Variants in EEIG2 observed in about 807,000 individuals in gnomAD.
The protein encoded by EEIG2 is family with sequence similarity 102 member B.
the EEIG2 span, among the ~76,000 whole-genome samples, chr1:108,633,299 A>G: frequency 6.6e-6 from 1 of 150,822 alleles, no homozygotes; most frequent in African/African-American, 2.4e-5. Context: ...TTTGGTTTTC[A>G]TTTTTGAAAG....
chr1:108,561,873 T>G, the EEIG2 span, among the ~76,000 whole-genome samples: 5 of 152,190 alleles, frequency 3.3e-5, no homozygotes, highest in Admixed American at 6.5e-5. Context: ...ACTGTTTTGC[T>G]GCAGGGTGCC....
chr1:108,578,716 G>A, the EEIG2 span, among the ~76,000 whole-genome samples: 1 of 151,592 alleles, frequency 6.6e-6, no homozygotes, highest in Non-Finnish European at 1.5e-5. Context: ...ACAAAGGGAA[G>A]CCCATCAGAC....
the EEIG2 span, among the ~76,000 whole-genome samples, chr1:108,568,874 A>G: frequency 6.6e-6 from 1 of 152,192 alleles, no homozygotes; most frequent in Non-Finnish European, 1.5e-5. Context: ...CATCAGCACC[A>G]TGCCACATCC....
chr1:108,608,166 C>T, the EEIG2 span, among the ~76,000 whole-genome samples: 5 of 152,112 alleles, frequency 3.3e-5, no homozygotes, highest in African/African-American at 7.2e-5. Flanking sequence ...CTATCTTAGC[C>T]TTTTGATTTG....
chr1:108,578,722 C>T, the EEIG2 span, among the ~76,000 whole-genome samples: 1 of 151,402 alleles, frequency 6.6e-6, no homozygotes, highest in South Asian at 2.1e-4. Flanking sequence ...GGAAGCCCAT[C>T]AGACTAACAG....
chr1:108,584,325 A>T, the EEIG2 span, among the ~76,000 whole-genome samples: 2 of 151,730 alleles, frequency 1.3e-5, no homozygotes, highest in African/African-American at 4.9e-5. Context: ...ATGCTTTCTT[A>T]AAAAATATTT....
the EEIG2 span, among the ~76,000 whole-genome samples, chr1:108,601,158 A>T: frequency 6.6e-6 from 1 of 152,194 alleles, no homozygotes; most frequent in South Asian, 2.1e-4. Context: ...TCTGACTCCA[A>T]GTCTGTTTTC....
the EEIG2 span, among the ~76,000 whole-genome samples, chr1:108,590,683 T>A: frequency 4.9e-4 from 74 of 152,356 alleles, no homozygotes; most frequent in Non-Finnish European, 7.5e-4. Flanking sequence ...CTGGATCCTT[T>A]AAGCTCTTAA....
the EEIG2 span, chr1:108,628,599 T>A: frequency 6.3e-7 from 1 of 1,585,084 alleles, no homozygotes; most frequent in East Asian, 2.2e-5. Context: ...CCTTTTAGTT[T>A]AAAGAATAAA....
At chr1:108,636,381 C>A in the EEIG2 span, 1 of 152,048 alleles carries the variant, frequency 6.6e-6, no homozygotes. Context: ...CCAGTAATTC[C>A]CCAATTCTTA....
chr1:108,561,411 T>C, the EEIG2 span, among the ~76,000 whole-genome samples: 3 of 152,204 alleles, frequency 2.0e-5, no homozygotes, highest in African/African-American at 7.2e-5. Context: ...AAATGAACTT[T>C]TGAGTTCCTG....
At chr1:108,577,812 G>A in the EEIG2 span, among the ~76,000 whole-genome samples, 1 of 148,652 alleles carries the variant, frequency 6.7e-6, no homozygotes, top group Non-Finnish European at 1.5e-5. Flanking sequence ...GAACTTTAAA[G>A]TAGTTTTTTC....
At chr1:108,574,644 G>A in the EEIG2 span, among the ~76,000 whole-genome samples, 13 of 152,270 alleles carry the variant, frequency 8.5e-5, no homozygotes, top group Admixed American at 6.5e-4. Flanking sequence ...CCAGCTACTC[G>A]GAAGGCTGAG....
chr1:108,596,162 A>C, the EEIG2 span, among the ~76,000 whole-genome samples: 4 of 152,024 alleles, frequency 2.6e-5, no homozygotes, highest in African/African-American at 9.6e-5. Context: ...GACAATAAAG[A>C]AAATTCTTAG....
At chr1:108,566,730 A>G in the EEIG2 span, among the ~76,000 whole-genome samples, 2 of 152,308 alleles carry the variant, frequency 1.3e-5, 1 homozygote, top group South Asian at 4.1e-4. Context: ...CATTTGTGAC[A>G]ACATGGATGA....
chr1:108,634,747 G>A, the EEIG2 span, among the ~76,000 whole-genome samples: 1 of 152,154 alleles, frequency 6.6e-6, no homozygotes, highest in Admixed American at 6.5e-5. Flanking sequence ...CTCAGTGCAA[G>A]TCCTGATGCA....
chr1:108,598,098 G>A, the EEIG2 span, among the ~76,000 whole-genome samples: 3 of 151,902 alleles, frequency 2.0e-5, no homozygotes, highest in East Asian at 5.8e-4. Context: ...TTGGGAGATC[G>A]AGGTGGCCAG....
the EEIG2 span, chr1:108,560,704 T>C: frequency 9.5e-7 from 1 of 1,049,472 alleles, no homozygotes; most frequent in Non-Finnish European, 1.3e-6. Context: ...ATCTGCAAAG[T>C]GCTTTGCAAA....
At chr1:108,615,089 T>C in the EEIG2 span, among the ~76,000 whole-genome samples, 1 of 152,194 alleles carries the variant, frequency 6.6e-6, no homozygotes, top group Non-Finnish European at 1.5e-5. Flanking sequence ...ATAAGATACA[T>C]GTCATCCATT....
Sources: gnomAD v4.1 joint callset for allele counts (sites outside exome capture counted in the v4.1 genomes callset) on GRCh38, gnomAD v4.1.1 for gene constraint, MANE v1.5 for transcripts, NCBI Gene and HGNC (gene_info 2026-07-23, HGNC 2026-07-21) for gene names.